Variants in AFG2A observed in about 807,000 individuals in gnomAD.
AFG2A encodes ATPase family gene 2 protein homolog A.
chr4:123,271,137 A>G, the AFG2A span, among the ~76,000 whole-genome samples: 1 of 152,236 alleles, frequency 6.6e-6, no homozygotes, highest in Non-Finnish European at 1.5e-5. Flanking sequence ...GCACTCCAGA[A>G]AAGCCTCTCA....
At chr4:123,279,252 C>T in the AFG2A span, among the ~76,000 whole-genome samples, 2 of 152,148 alleles carry the variant, frequency 1.3e-5, no homozygotes, top group South Asian at 4.2e-4. Context: ...CCCATCTCTA[C>T]TAAAAATACA....
chr4:123,018,414 G>A, the AFG2A span, among the ~76,000 whole-genome samples: 1 of 152,092 alleles, frequency 6.6e-6, no homozygotes, highest in Admixed American at 6.6e-5. Context: ...TTAAAAAGAA[G>A]GTTCTAGAAT....
At chr4:123,062,775 C>CT in the AFG2A span, among the ~76,000 whole-genome samples, 1 of 152,166 alleles carries the variant, frequency 6.6e-6, no homozygotes, top group Non-Finnish European at 1.5e-5. Flanking sequence ...ATGGTACCAG[C>CT]TTCATATATG....
the AFG2A span, among the ~76,000 whole-genome samples, chr4:123,142,982 A>C: frequency 6.6e-6 from 1 of 152,082 alleles, no homozygotes; most frequent in Non-Finnish European, 1.5e-5. Flanking sequence ...GAAACTTTTG[A>C]GTTCTAACAT....
chr4:123,122,773 G>GTT, the AFG2A span, among the ~76,000 whole-genome samples: 24 of 140,108 alleles, frequency 1.7e-4, no homozygotes, highest in Non-Finnish European at 2.8e-4. Flanking sequence ...CATGTCATCT[G>GTT]TTTTTTTGTT....
the AFG2A span, among the ~76,000 whole-genome samples, chr4:123,236,653 T>C: frequency 6.6e-6 from 1 of 152,158 alleles, no homozygotes; most frequent in Admixed American, 6.5e-5. Context: ...TTAGAGTGAT[T>C]TGATTCATTT....
the AFG2A span, among the ~76,000 whole-genome samples, chr4:123,186,279 T>C: frequency 6.6e-6 from 1 of 152,358 alleles, no homozygotes. Flanking sequence ...AATAGTGTAG[T>C]AATATTGATT....
chr4:123,050,402 C>T, the AFG2A span, among the ~76,000 whole-genome samples: 1 of 152,110 alleles, frequency 6.6e-6, no homozygotes, highest in African/African-American at 2.4e-5. Flanking sequence ...GCATTGCGGT[C>T]CCCTGCAATT....
At chr4:123,053,842 T>C in the AFG2A span, among the ~76,000 whole-genome samples, 1 of 152,148 alleles carries the variant, frequency 6.6e-6, no homozygotes, top group Admixed American at 6.5e-5. Context: ...TCTACTGCAC[T>C]GGGCGGGGCT....
chr4:122,929,453 G>A, the AFG2A span, among the ~76,000 whole-genome samples: 10 of 152,154 alleles, frequency 6.6e-5, no homozygotes, highest in African/African-American at 2.2e-4. Context: ...CAGCACTTTG[G>A]GAGGCCGAGG....
At chr4:123,221,303 G>A in the AFG2A span, among the ~76,000 whole-genome samples, 4 of 152,112 alleles carry the variant, frequency 2.6e-5, no homozygotes, top group African/African-American at 7.2e-5. Context: ...CTACAGGCAT[G>A]CATCACCATA....
chr4:123,145,765 T>C, the AFG2A span, among the ~76,000 whole-genome samples: 3 of 152,096 alleles, frequency 2.0e-5, no homozygotes, highest in African/African-American at 7.2e-5. Flanking sequence ...AGGTATATCC[T>C]TTTGGTATAT....
the AFG2A span, among the ~76,000 whole-genome samples, chr4:123,034,721 A>G: frequency 4.0e-4 from 61 of 152,298 alleles, 3 homozygotes; most frequent in Admixed American, 3.7e-3. Context: ...AACAGTGTAC[A>G]TGGGTGGGTG....
the AFG2A span, among the ~76,000 whole-genome samples, chr4:122,951,343 C>T: frequency 1.3e-5 from 2 of 151,884 alleles, no homozygotes; most frequent in African/African-American, 4.8e-5. Context: ...GAGGCTTGAG[C>T]TGTCCTTAGA....
At chr4:122,995,077 A>G in the AFG2A span, among the ~76,000 whole-genome samples, 2 of 152,162 alleles carry the variant, frequency 1.3e-5, no homozygotes, top group African/African-American at 2.4e-5. Context: ...AATTGACTAT[A>G]ATTATATTTC....
the AFG2A span, among the ~76,000 whole-genome samples, chr4:123,215,676 A>T: frequency 6.6e-6 from 1 of 151,802 alleles, no homozygotes; most frequent in African/African-American, 2.4e-5. Context: ...CCTTCTGTTA[A>T]TTACTATTTT....
At chr4:123,265,230 C>G in the AFG2A span, among the ~76,000 whole-genome samples, 2 of 152,038 alleles carry the variant, frequency 1.3e-5, no homozygotes, top group East Asian at 1.9e-4. Flanking sequence ...TCCTTAAGAA[C>G]AGCTAATCAA....
chr4:123,197,048 A>G, the AFG2A span, among the ~76,000 whole-genome samples: 2 of 152,210 alleles, frequency 1.3e-5, no homozygotes, highest in Non-Finnish European at 2.9e-5. Flanking sequence ...ACTACAAACA[A>G]AGTTTTCATT....
At chr4:123,253,685 CTT>C in the AFG2A span, among the ~76,000 whole-genome samples, 1 of 151,996 alleles carries the variant, frequency 6.6e-6, no homozygotes, top group Non-Finnish European at 1.5e-5. Flanking sequence ...ATATACAAGT[CTT>C]TGTGTAGATA....
Sources: gnomAD v4.1 joint callset for allele counts (sites outside exome capture counted in the v4.1 genomes callset) on GRCh38, gnomAD v4.1.1 for gene constraint, MANE v1.5 for transcripts, NCBI Gene and HGNC (gene_info 2026-07-23, HGNC 2026-07-21) for gene names.